The following EXT2 variants were observed in gnomAD, a reference collection of about 807,000 sequenced individuals.
EXT2 encodes exostosin glycosyltransferase 2.
EXT2 carries 53 observed loss-of-function variants against 81.6 expected under a neutral mutation model. The ratio of observed to expected loss-of-function variants is 0.65; its 90% confidence interval spans 0.52 to 0.82. The LOEUF is 0.82. Among genes scored for constraint, EXT2 ranks in the 40% least tolerant of loss-of-function variants. The pLI is 0.00. For synonymous variants in EXT2, 320 were observed against 340.0 expected, an observed-to-expected ratio of 0.94 and a Z score of 0.65; for missense variants, 774 against 910.2, an observed-to-expected ratio of 0.85 and a Z score of 1.93.
intron 10 of EXT2, among the ~76,000 whole-genome samples, chr11:44,223,336 T>C (rs1161810041): frequency 6.6e-6 from 1 of 152,254 alleles, no homozygotes; most frequent in African/African-American, 2.4e-5. Flanking sequence ...ATGTGAATGT[T>C]TGTAGCAGCT....
chr11:44,233,203 CGT>C (rs976992298), intron 11 of EXT2, among the ~76,000 whole-genome samples: 1 of 151,738 alleles, frequency 6.6e-6, no homozygotes, highest in Non-Finnish European at 1.5e-5. Flanking sequence ...TGTATGTATA[CGT>C]GTGTGTGTGT....
At chr11:44,232,695 AG>A (rs1362191384) in intron 11 of EXT2, among the ~76,000 whole-genome samples, 199 bp downstream of exon 11, 1 of 152,250 alleles carries the variant, frequency 6.6e-6, no homozygotes, top group Non-Finnish European at 1.5e-5. Context: ...AATAGAATGA[AG>A]AAAAGTTACT....
At chr11:44,161,128 T>G (rs1954922148) in intron 7 of EXT2, among the ~76,000 whole-genome samples, 1 of 152,214 alleles carries the variant, frequency 6.6e-6, no homozygotes, top group Non-Finnish European at 1.5e-5. Flanking sequence ...AGATTTCATC[T>G]CTAAGATTTT....
At chr11:44,183,993 A>C (rs573299999) in intron 8 of EXT2, among the ~76,000 whole-genome samples, 1 of 152,122 alleles carries the variant, frequency 6.6e-6, no homozygotes, top group Non-Finnish European at 1.5e-5. Flanking sequence ...TTGGAATGTG[A>C]GTTCATCTCA....
At chr11:44,193,300 C>T (rs1184585765) in intron 8 of EXT2, among the ~76,000 whole-genome samples, 1 of 152,194 alleles carries the variant, frequency 6.6e-6, no homozygotes, top group East Asian at 1.9e-4. Context: ...AGGCTACCTC[C>T]TATCCACTTT....
intron 7 of EXT2, among the ~76,000 whole-genome samples, chr11:44,158,137 G>C (rs1381149838): frequency 6.6e-6 from 1 of 152,220 alleles, no homozygotes; most frequent in Non-Finnish European, 1.5e-5. Flanking sequence ...GGAAGGAAAA[G>C]GTCTTTCCTG....
At chr11:44,204,535 G>A (rs780645317) in intron 9 of EXT2, among the ~76,000 whole-genome samples, 2 of 152,186 alleles carry the variant, frequency 1.3e-5, no homozygotes, top group Admixed American at 6.5e-5. Flanking sequence ...GTTACAGGGC[G>A]GGGTCCCCAA....
At position 44,206,738 on chromosome 11, in the gene EXT2, C is replaced by T; in HGVS notation, c.1496-55C>T. 3 of 1,588,902 alleles carry T rather than the reference C, an allele frequency of 1.9e-6. No homozygotes were observed. The South Asian group carries it at 3.3e-5, about 18-fold the overall frequency. Reference sequence around the variant, plus strand: ...CATTTGTGATGTCATGCTTTTACTACTTTATCTCCTCACAAAAGTTAGGAG... The same window carrying T: ...CATTTGTGATGTCATGCTTTTACTATTTTATCTCCTCACAAAAGTTAGGAG... On this transcript the variant is annotated intron_variant, in intron 9 of 13. Transcript: ENST00000533608.
chr11:44,143,393 T>C (rs1393088208), intron 7 of EXT2, among the ~76,000 whole-genome samples: 1 of 152,164 alleles, frequency 6.6e-6, no homozygotes, highest in African/African-American at 2.4e-5. Flanking sequence ...TCACTCCTAC[T>C]CCTCCCACTC....
At position 44,124,840 on chromosome 11, in the gene EXT2, C is replaced by G; in HGVS notation, c.795C>G (p.Tyr265Ter). ...CTCAGGTGGGTCTCCATCCTGAGTA[C>G]AGAGAGGACCTAGAAGCCCTCCAGG... Reference protein sequence around the residue: ...LSSQVGLHPEYREDLEALQVK... With the variant: ...LSSQVGLHPE The change falls in exon 5 of 14, where the codon TAC becomes TAG. Residue 265 changes from tyrosine to a stop codon, truncating the protein, a stop_gained. Transcript: ENST00000533608. LOFTEE classifies it high-confidence loss of function. 6.2e-7 allele frequency: 1 copy of G among 1,614,098 alleles called. No homozygotes were observed. Among genetic ancestry groups the G allele is most frequent in the Non-Finnish European group, 8.5e-7 (1 of 1,180,028 alleles).
intron 7 of EXT2, among the ~76,000 whole-genome samples, chr11:44,138,094 G>T (rs1488777086): frequency 6.6e-6 from 1 of 152,174 alleles, no homozygotes; most frequent in Admixed American, 6.5e-5. Context: ...ACTTCCACCA[G>T]GAGGTTCTGT....
rs917176301 is a variant in EXT2, at chr11:44,245,849, T to C, written c.*1562T>C. On this transcript the variant is annotated 3_prime_UTR_variant, in exon 14 of 14. Transcript: ENST00000533608. The stretch of plus-strand genomic sequence containing the variant: ...TTGAATAAGTGATCGAATCATGGAC[T>C]ATTATTGCCAAAGGGGGCAAGCGAT... Among the ~76,000 whole-genome samples the C allele has an allele frequency of 6.6e-6, 1 of 152,264 alleles. No homozygotes were observed. Among genetic ancestry groups the C allele is most frequent in the Non-Finnish European group, 1.5e-5 (1 of 68,046 alleles).
intron 7 of EXT2, among the ~76,000 whole-genome samples, chr11:44,140,809 A>C (rs1395540998): frequency 3.3e-5 from 5 of 152,090 alleles, no homozygotes; most frequent in Non-Finnish European, 7.4e-5. Context: ...ATTTCTAACT[A>C]CTCTGTATAC....
At chr11:44,106,426 T>G (rs1954055613) in intron 1 of EXT2, among the ~76,000 whole-genome samples, 1 of 152,208 alleles carries the variant, frequency 6.6e-6, no homozygotes. Context: ...TATGTTTTAT[T>G]TGAAGATGAA....
chr11:44,239,943 A>G (rs1956017673), intron 13 of EXT2, among the ~76,000 whole-genome samples: 1 of 152,138 alleles, frequency 6.6e-6, no homozygotes, highest in Admixed American at 6.6e-5. Context: ...GGATTTGCAT[A>G]TAACCTTCGC....
intron 7 of EXT2, among the ~76,000 whole-genome samples, chr11:44,147,486 C>T (rs1223300471): frequency 1.3e-5 from 2 of 152,190 alleles, no homozygotes; most frequent in Admixed American, 6.5e-5. Flanking sequence ...ACTAATAACA[C>T]ACTTCTTTAA....
intron 3 of EXT2, among the ~76,000 whole-genome samples, chr11:44,110,855 A>G (rs1954132588): frequency 6.6e-6 from 1 of 152,186 alleles, no homozygotes; most frequent in Admixed American, 6.5e-5. Flanking sequence ...ATTATAGCCA[A>G]TCCTATAGCA....
At chr11:44,113,988 A>G (rs1239016952) in intron 3 of EXT2, among the ~76,000 whole-genome samples, 197 bp from the exon 4 acceptor site, 1 of 152,070 alleles carries the variant, frequency 6.6e-6, no homozygotes, top group Non-Finnish European at 1.5e-5. Context: ...CCCCGGGGGA[A>G]GGCTGGTGAT....
At chr11:44,146,050 T>C (rs1039647542) in intron 7 of EXT2, among the ~76,000 whole-genome samples, 4 of 152,138 alleles carry the variant, frequency 2.6e-5, no homozygotes, top group Admixed American at 6.5e-5. Flanking sequence ...GATCAACGAG[T>C]TGGCAGGGAG....
Sources: gnomAD v4.1 joint callset for allele counts (sites outside exome capture counted in the v4.1 genomes callset) on GRCh38, gnomAD v4.1.1 for gene constraint, MANE v1.5 for transcripts, NCBI Gene and HGNC (gene_info 2026-07-23, HGNC 2026-07-21) for gene names.